The following COL11A2 variants were observed in gnomAD, a reference collection of about 807,000 sequenced individuals.
The protein encoded by COL11A2 is collagen type XI alpha 2 chain.
COL11A2 carries 116 observed loss-of-function variants against 273.4 expected under a neutral mutation model. That is an observed-to-expected ratio of 0.42 (90% CI 0.36 to 0.49). COL11A2 has a LOEUF of 0.49. Among genes scored for constraint, COL11A2 ranks in the 20% least tolerant of loss-of-function variants. The pLI is 0.00. For synonymous variants in COL11A2, 782 were observed against 864.2 expected (o/e 0.90, Z 1.67); for missense variants, 1,866 against 2,309.0 (o/e 0.81, Z 3.93).
At chr6:33,185,098 G>A in intron 6 of COL11A2, 44 bp from the exon 7 acceptor site, 3 of 1,453,732 alleles carry the variant, frequency 2.1e-6, no homozygotes, top group Non-Finnish European at 2.8e-6. Context: ...GGGGTGGGAA[G>A]GAAGGAGAAA....
Position 33,172,369 on chromosome 6 carries a change from C to T in COL11A2, c.2908G>A (p.Gly970Ser), listed in dbSNP as rs1255101958. 6.3e-7 allele frequency: 1 copy of T among 1,586,772 alleles called. No homozygotes were observed. The highest frequency in any genetic ancestry group is 8.6e-7 in the Non-Finnish European group (1 of 1,167,120). ...AGKEGTKGDP[G>S]PPGAPGKDGP... The stretch of plus-strand genomic sequence containing the variant: ...TCCTTCCCTGGGGCCCCAGGGGGAC[C>T]AGGGTCACCCTAAAAGGAAAGGAGA... Residue 970 changes from glycine to serine, a missense_variant, in exon 40 of 66, where the codon GGT becomes AGT. By Grantham distance (56) the Gly-to-Ser change is moderately conservative. Transcript: ENST00000341947.
chr6:33,170,978 T>C lies in COL11A2; in HGVS notation c.3367-61A>G. On this transcript the variant is annotated intron_variant, in intron 45 of 65. Transcript: ENST00000341947. The surrounding 1 kb of genome is among the most constrained non-coding windows in gnomAD (Gnocchi z 4.3). ...GGGATGGGTCATGGGTCAGGTGTTC[T>C]CTATCCACAAATACCACACACAGCT... The C allele has an allele frequency of 6.3e-7, 1 of 1,591,276 alleles. No individual in the cohort carries two copies. Among genetic ancestry groups the C allele is most frequent in the Non-Finnish European group, 8.6e-7 (1 of 1,160,972 alleles).
At chr6:33,186,597 T>A (rs762796336) in intron 5 of COL11A2, 30 bp downstream of exon 5, 1 of 1,614,154 alleles carries the variant, frequency 6.2e-7, no homozygotes. Context: ...TGGGGTGTGC[T>A]GCACTTGGGG....
rs763176333 is a variant in COL11A2 at position 33,188,519 on chromosome 6, T to C, written c.449A>G (p.His150Arg). 5 of 1,612,864 alleles carry C rather than the reference T, an allele frequency of 3.1e-6. No homozygotes were observed. The highest frequency in any genetic ancestry group is 4.2e-6 in the Non-Finnish European group (5 of 1,180,004). Residue 150 changes from histidine to arginine, a missense_variant, in exon 4 of 66, where the codon CAC becomes CGC. Physicochemically the swap from His to Arg is conservative, Grantham distance 29 (BLOSUM62 0). Transcript: ENST00000341947. The stretch of plus-strand genomic sequence containing the variant: ...GCCCTTCACAGCCACAGCCACACGG[T>C]GCCACCTGGAAATGGTGGAAGAGGT... ...RGLSLADGKW[H>R]RVAVAVKGQS...
At position 33,173,195 on chromosome 6, in the gene COL11A2, A is replaced by G. The variant is rs1284060414; in HGVS notation, c.2737-82T>C. ...ATTCCCAGGAGGAAGGATCCCAGGCAGGATCACACCAAGCCCTGGGCCCTG... is the reference window on the plus strand; with the variant it reads ...ATTCCCAGGAGGAAGGATCCCAGGCGGGATCACACCAAGCCCTGGGCCCTG... On this transcript the variant is annotated intron_variant, in intron 37 of 65. Transcript: ENST00000341947. The surrounding 1 kb of genome is among the most constrained non-coding windows in gnomAD (Gnocchi z 6.3). 3 of 1,548,062 alleles carry G rather than the reference A, an allele frequency of 1.9e-6. No homozygotes were observed. The East Asian group carries it at 7.0e-5, about 36-fold the overall frequency.
chr6:33,184,793 T>C (rs1048531820), intron 7 of COL11A2, among the ~76,000 whole-genome samples, 199 bp downstream of exon 7: 13 of 152,154 alleles, frequency 8.5e-5, no homozygotes, highest in Admixed American at 3.9e-4. Flanking sequence ...GCCTGGATAC[T>C]GAAGGGAACG....
chr6:33,177,943 G>C lies in COL11A2; in HGVS notation c.1872+189C>G, dbSNP rs373904402. 1 of 773,240 alleles carries C rather than the reference G, an allele frequency of 1.3e-6. No homozygotes were observed. Among genetic ancestry groups the C allele is most frequent in the Admixed American group, 2.5e-5 (1 of 39,494 alleles). The allele number at this position is 773,240 out of a possible 1,614,324, so 47.9% of individuals were successfully genotyped here. ...ATGCCCAGAGCCCTCAGGGCACCAC[G>C]CCACATGGCCCTCCCTGTGCACGGG... is the stretch of plus-strand genomic sequence containing the variant. On this transcript the variant is annotated intron_variant, in intron 21 of 65. Coordinates refer to ENST00000341947, the MANE Select transcript of COL11A2 (RefSeq NM_080680.3). The surrounding 1 kb of genome is among the most constrained non-coding windows in gnomAD (Gnocchi z 5.9).
intron 1 of COL11A2, among the ~76,000 whole-genome samples, chr6:33,191,853 C>T (rs947649897): frequency 1.3e-5 from 2 of 152,216 alleles, no homozygotes; most frequent in African/African-American, 4.8e-5. Flanking sequence ...CTGGACCGGG[C>T]TGGCCCTGGC....
Position 33,192,199 on chromosome 6 carries a change from TAGG to T in COL11A2, c.39_41del (p.Leu14del), listed in dbSNP as rs754766796. 15 of 1,565,550 alleles carry T rather than the reference TAGG, an allele frequency of 9.6e-6. No individual in the cohort carries two copies. Among genetic ancestry groups the T allele is most frequent in the East Asian group, 2.3e-5 (1 of 42,760 alleles). On this transcript the variant is annotated inframe_deletion, in exon 1 of 66. Transcript: ENST00000341947. The stretch of plus-strand genomic sequence containing the variant: ...CCGCGCTCAGCCCCAGCACCAGAGG[TAGG>T]AGGAGGAGGAGGCGATGGCAGCGGC...
rs555936333 is a variant in COL11A2, at chr6:33,166,793, G to A, written c.4265C>T (p.Pro1422Leu). 561 of 1,613,270 alleles carry A rather than the reference G, an allele frequency of 3.5e-4. 3 individuals carry two copies. In the East Asian group the frequency reaches 0.011, roughly 32 times the overall value. The change falls in exon 59 of 66, where the codon CCG becomes CTG. Residue 1422 changes from proline to leucine, a missense_variant. Physicochemically the swap from Pro to Leu is moderately conservative, Grantham distance 98. Coordinates refer to ENST00000341947, the MANE Select transcript of COL11A2 (RefSeq NM_080680.3). This position sits in a 1 kb window ranked among gnomAD's most constrained non-coding sequence, Gnocchi z 4.8. ...HPGLIGLIGP[P>L]GEQGEKGDRG... ...ATCTCCCTTCTCTCCCTGCTCACCC[G>A]GGGGCCCAATCAGTCCAATGAGACC...
At position 33,171,574 on chromosome 6, in the gene COL11A2, C is replaced by T; in HGVS notation, c.3151G>A (p.Gly1051Ser). 1 of 1,613,582 alleles carries T rather than the reference C, an allele frequency of 6.2e-7. No individual in the cohort carries two copies. The highest frequency in any genetic ancestry group is 8.5e-7 in the Non-Finnish European group (1 of 1,179,738). Residue 1051 changes from glycine to serine, a missense_variant and splice_region_variant, in exon 43 of 66, where the codon GGT becomes AGT. Gly to Ser is a moderately conservative substitution (Grantham distance 56). Coordinates refer to ENST00000341947, the MANE Select transcript of COL11A2 (RefSeq NM_080680.3). ...PGAAGEKGVPGEKGPIGPTGR... is the reference protein window; with the variant it reads ...PGAAGEKGVPSEKGPIGPTGR... ...GTCGGGCCAATGGGGCCCTTCTCACCCTGTGGGACAGGAGGAAGGAGTCAT... is the reference window on the plus strand; with the variant it reads ...GTCGGGCCAATGGGGCCCTTCTCACTCTGTGGGACAGGAGGAAGGAGTCAT...
At position 33,178,187 on chromosome 6, in the gene COL11A2, T is replaced by C; in HGVS notation, c.1819-2A>G. 1 of 1,612,068 alleles carries C rather than the reference T, an allele frequency of 6.2e-7. No individual in the cohort carries two copies. Among genetic ancestry groups the C allele is most frequent in the East Asian group, 2.2e-5 (1 of 44,844 alleles). ...GGGGCCAAGGAGACCTCGAGGTCCC[T>C]GCATTCACGGTGAGGGGAGGAGACG... On this transcript the variant is annotated splice_acceptor_variant, in intron 20 of 65. Transcript: ENST00000341947. LOFTEE classifies it high-confidence loss of function. This position sits in a 1 kb window ranked among gnomAD's most constrained non-coding sequence, Gnocchi z 4.6.
At chr6:33,174,116 A>G (rs1311013402) in intron 32 of COL11A2, 49 bp downstream of exon 32, 3 of 1,610,324 alleles carry the variant, frequency 1.9e-6, no homozygotes, top group Admixed American at 1.7e-5. Context: ...GACCCCCTCT[A>G]CACCTCTCCA....
At position 33,176,678 on chromosome 6, in the gene COL11A2, G is replaced by A; in HGVS notation, c.2115+43C>T. On this transcript the variant is annotated intron_variant, in intron 26 of 65. Coordinates refer to ENST00000341947, the MANE Select transcript of COL11A2 (RefSeq NM_080680.3). This position sits in a 1 kb window ranked among gnomAD's most constrained non-coding sequence, Gnocchi z 4.9. ...CAAGGACTTTGAGGCTCTAGAGTCTGAGTGGAGACTCCCTCAGGGGATAAA... is the reference window on the plus strand; with the variant it reads ...CAAGGACTTTGAGGCTCTAGAGTCTAAGTGGAGACTCCCTCAGGGGATAAA... The A allele has an allele frequency of 6.3e-7, 1 of 1,588,622 alleles. No individual in the cohort carries two copies. Among genetic ancestry groups the A allele is most frequent in the Non-Finnish European group, 8.6e-7 (1 of 1,159,638 alleles).
In COL11A2 at chr6:33,177,951, G is replaced by T; in HGVS notation, c.1872+181C>A. The T allele has an allele frequency of 2.5e-6, 2 of 788,076 alleles. No homozygotes were observed. The highest frequency in any genetic ancestry group is 4.1e-6 in the Non-Finnish European group (2 of 484,470). The allele number at this position is 788,076 out of a possible 1,614,324, so 48.8% of individuals were successfully genotyped here. A position where few individuals can be genotyped will look rare whatever the true frequency, so the allele number is the denominator to read the frequency against. ...AGCCCTCAGGGCACCACGCCACATG[G>T]CCCTCCCTGTGCACGGGGAGCGAAT... On this transcript the variant is annotated intron_variant, in intron 21 of 65. Transcript: ENST00000341947. The surrounding 1 kb of genome is among the most constrained non-coding windows in gnomAD (Gnocchi z 5.9).
chr6:33,167,128 G>C lies in COL11A2; in HGVS notation c.4177-5C>G. Reference sequence around the variant, plus strand: ...ACCAGGCAGCCCTGGGGGTCCCTGTGGAGAGATGGGAAGTCATTCTCTTAA... The same window carrying C: ...ACCAGGCAGCCCTGGGGGTCCCTGTCGAGAGATGGGAAGTCATTCTCTTAA... On this transcript the variant is annotated splice_polypyrimidine_tract_variant and splice_region_variant and intron_variant, in intron 57 of 65. Coordinates refer to ENST00000341947, the MANE Select transcript of COL11A2 (RefSeq NM_080680.3). The surrounding 1 kb of genome is among the most constrained non-coding windows in gnomAD (Gnocchi z 6.1). 6.2e-7 allele frequency: 1 copy of C among 1,614,108 alleles called. No homozygotes were observed. The highest frequency in any genetic ancestry group is 8.5e-7 in the Non-Finnish European group (1 of 1,179,984).
At chr6:33,192,104 G>T in intron 1 of COL11A2, 55 bp downstream of exon 1, 7 of 1,501,868 alleles carry the variant, frequency 4.7e-6, no homozygotes. Context: ...CCTTCCCAGA[G>T]ACACTCAGAG....
rs913990031 is a variant in COL11A2 at position 33,175,793 on chromosome 6, A to G, written c.2269-112T>C. ...GAGGGCTAGAGGGGTCCCAGGAGCC[A>G]CTGCAGGACAGGAAGCCCACAGGGT... On this transcript the variant is annotated intron_variant, in intron 29 of 65. Transcript: ENST00000341947. The G allele has an allele frequency of 1.1e-5, 13 of 1,159,790 alleles. No individual in the cohort carries two copies. In the African/African-American group the frequency reaches 2.0e-4, roughly 18 times the overall value. The allele number at this position is 1,159,790 out of a possible 1,614,324, so 71.8% of individuals were successfully genotyped here.
intron 12 of COL11A2, 107 bp downstream of exon 12, chr6:33,180,151 T>C: frequency 8.5e-7 from 1 of 1,178,446 alleles, no homozygotes; most frequent in Non-Finnish European, 1.3e-6. Context: ...TCTTTGATGA[T>C]CTTTAGAGAC....
Sources: allele counts gnomAD v4.1 joint callset (sites outside exome capture counted in the v4.1 genomes callset), GRCh38; gene constraint gnomAD v4.1.1; non-coding constraint Gnocchi (gnomAD v3.1); transcripts MANE v1.5; gene names NCBI Gene and HGNC (gene_info 2026-07-23, HGNC 2026-07-21).